SP4: variants seen among roughly 807,000 people sequenced by gnomAD.
The protein encoded by SP4 is transcription factor Sp4.
Under a neutral mutation model 72.8 loss-of-function variants are expected in SP4, and 19 were observed. The observed-to-expected ratio is 0.26, with a 90% CI of 0.18 to 0.38. The LOEUF (loss-of-function observed/expected upper bound fraction) is 0.38. SP4 is among the 10% of genes least tolerant of loss of function. The pLI is 1.00. For synonymous variants in SP4, 395 were observed against 333.1 expected (o/e 1.19, Z -2.02); for missense variants, 1,008 against 926.3 (o/e 1.09, Z -1.14).
At chr7:21,504,238 T>A (rs1781938636) in intron 5 of SP4, among the ~76,000 whole-genome samples, 1 of 152,204 alleles carries the variant, frequency 6.6e-6, no homozygotes, top group African/African-American at 2.4e-5. Context: ...TTCTAAAACC[T>A]GTTTGACCAG....
intron 3 of SP4, among the ~76,000 whole-genome samples, chr7:21,459,460 T>C (rs543551901): frequency 1.3e-5 from 2 of 152,256 alleles, no homozygotes; most frequent in Admixed American, 6.5e-5. Context: ...CTTGCCATGG[T>C]ATATCAGATT....
At chr7:21,491,202 G>GAAAT (rs1784969920) in intron 5 of SP4, among the ~76,000 whole-genome samples, 1 of 152,130 alleles carries the variant, frequency 6.6e-6, no homozygotes, top group Admixed American at 6.6e-5. Flanking sequence ...TTTTAGCAGA[G>GAAAT]AAATCTGCTA....
At chr7:21,507,640 G>C (rs553994328) in intron 5 of SP4, among the ~76,000 whole-genome samples, 1 of 152,264 alleles carries the variant, frequency 6.6e-6, no homozygotes, top group East Asian at 1.9e-4. Flanking sequence ...GAGAATTAAA[G>C]CTTGGCACAC....
chr7:21,449,902 G>C (rs1783539276), intron 3 of SP4, among the ~76,000 whole-genome samples: 1 of 152,006 alleles, frequency 6.6e-6, no homozygotes. Flanking sequence ...TATTAATTTT[G>C]TTTTCTCCTA....
rs1782675212 is a variant in SP4, at chr7:21,428,124, T to G, written c.-128T>G. 1 of 710,312 alleles carries G rather than the reference T, an allele frequency of 1.4e-6. No individual in the cohort carries two copies. The allele number at this position is 710,312 out of a possible 1,614,324, so 44.0% of individuals were successfully genotyped here. A position where few individuals can be genotyped will look rare whatever the true frequency, so the allele number is the denominator to read the frequency against. ...CATTCGCGGAAAAAGAGGCAGAGCCTGTGCCAGCTACAGCCTCCTCCGAGC... is the reference window on the plus strand; with the variant it reads ...CATTCGCGGAAAAAGAGGCAGAGCCGGTGCCAGCTACAGCCTCCTCCGAGC... On this transcript the variant is annotated 5_prime_UTR_variant, in exon 1 of 6. Coordinates refer to ENST00000222584, the MANE Select transcript of SP4 (RefSeq NM_003112.5).
rs112392372 is a variant in SP4, at chr7:21,428,281, A to G, written c.7+23A>G. 568 of 1,361,450 alleles carry G rather than the reference A, an allele frequency of 4.2e-4. No homozygotes were observed. The African/African-American group carries it at 8.1e-3, about 20-fold the overall frequency. The allele number at this position is 1,361,450 out of a possible 1,614,324, so 84.3% of individuals were successfully genotyped here. ...GCGGTACGTATTCTCCACCCCCCTCAGTCTCCTTCGCCGCCTCCCTCTCTC... is the reference window on the plus strand; with the variant it reads ...GCGGTACGTATTCTCCACCCCCCTCGGTCTCCTTCGCCGCCTCCCTCTCTC... On this transcript the variant is annotated intron_variant, in intron 1 of 5. Transcript: ENST00000222584.
intron 5 of SP4, among the ~76,000 whole-genome samples, chr7:21,487,156 C>T (rs1384854329): frequency 6.6e-6 from 1 of 152,066 alleles, no homozygotes; most frequent in Non-Finnish European, 1.5e-5. Flanking sequence ...ATTGTTTCAC[C>T]TTTGGCCATT....
At chr7:21,472,632 G>C (rs959474856) in intron 3 of SP4, among the ~76,000 whole-genome samples, 1 of 151,816 alleles carries the variant, frequency 6.6e-6, no homozygotes, top group African/African-American at 2.4e-5. Flanking sequence ...TTAGATTTAA[G>C]TGCTGATTTT....
intron 3 of SP4, among the ~76,000 whole-genome samples, chr7:21,466,044 TCTC>T (rs1237985308): frequency 1.3e-5 from 2 of 152,192 alleles, no homozygotes; most frequent in Non-Finnish European, 2.9e-5. Context: ...AGTGGATTCA[TCTC>T]CTCTGTGAAG....
chr7:21,436,707 T>G (rs1783061259), intron 3 of SP4, among the ~76,000 whole-genome samples: 1 of 152,194 alleles, frequency 6.6e-6, no homozygotes, highest in Non-Finnish European at 1.5e-5. Flanking sequence ...TTCATAATGC[T>G]TGTCATTTTG....
At chr7:21,491,163 G>A (rs963618003) in intron 5 of SP4, among the ~76,000 whole-genome samples, 3 of 152,132 alleles carry the variant, frequency 2.0e-5, no homozygotes, top group Non-Finnish European at 4.4e-5. Context: ...AAAGATAAGC[G>A]TGACTGAAAT....
rs1782175159 is a variant in SP4, at chr7:21,512,513, A to T, written c.*1244A>T. On this transcript the variant is annotated 3_prime_UTR_variant, in exon 6 of 6. Transcript: ENST00000222584. ...TAATTTTCAGTGAAGTAAGTGACTA[A>T]AGAAAAAAACTATATTATTGTTTAT... 6.6e-6 allele frequency: 1 copy of T among 152,022 alleles called. No individual in the cohort carries two copies. The highest frequency in any genetic ancestry group is 2.4e-5 in the African/African-American group (1 of 41,396). 9.4% of individuals were successfully genotyped at this position (152,022 alleles called of 1,614,324 possible). A position where few individuals can be genotyped will look rare whatever the true frequency, so the allele number is the denominator to read the frequency against.
chr7:21,477,055 C>T (rs1784520591), intron 3 of SP4, 24 bp from the exon 4 acceptor site: 3 of 1,562,656 alleles, frequency 1.9e-6, no homozygotes, highest in South Asian at 2.2e-5. Context: ...CATTACAATA[C>T]TTCTTTTTTT....
Position 21,502,791 on chromosome 7 carries a change from T to C in SP4, c.2108-8231T>C, listed in dbSNP as rs186632906. Among the ~76,000 whole-genome samples, 385 of 152,072 alleles carry C rather than the reference T, an allele frequency of 2.5e-3. 2 individuals are homozygous for C. The highest frequency in any genetic ancestry group is 9.0e-3 in the African/African-American group (373 of 41,482). On this transcript the variant is annotated intron_variant, in intron 5 of 5. Transcript: ENST00000222584. ...GGAGTAGTACCAGACACTTGGGGGGTTGAGTTTTTGATGAGTTTGAGAATA... is the reference window on the plus strand; with the variant it reads ...GGAGTAGTACCAGACACTTGGGGGGCTGAGTTTTTGATGAGTTTGAGAATA...
intron 5 of SP4, among the ~76,000 whole-genome samples, chr7:21,489,379 G>A (rs890410702): frequency 5.3e-5 from 8 of 151,946 alleles, no homozygotes; most frequent in Non-Finnish European, 7.4e-5. Context: ...AGAACGCAGT[G>A]ATGTGATCAT....
chr7:21,460,379 G>A (rs1783919307), intron 3 of SP4, among the ~76,000 whole-genome samples: 1 of 152,032 alleles, frequency 6.6e-6, no homozygotes, highest in African/African-American at 2.4e-5. Flanking sequence ...TGAGTCTGGA[G>A]TCGTTTTTTC....
At chr7:21,449,931 C>G (rs184551574) in intron 3 of SP4, among the ~76,000 whole-genome samples, 2 of 152,076 alleles carry the variant, frequency 1.3e-5, no homozygotes, top group Non-Finnish European at 2.9e-5. Flanking sequence ...GGCAGTGGTT[C>G]GGTTGCTAGG....
At chr7:21,495,411 T>C (rs1242746469) in intron 5 of SP4, among the ~76,000 whole-genome samples, 1 of 142,878 alleles carries the variant, frequency 7.0e-6, no homozygotes, top group Non-Finnish European at 1.5e-5. Context: ...AATTTAACAG[T>C]TTTTTTTTTT....
chr7:21,509,451 T>C (rs563925358), intron 5 of SP4, among the ~76,000 whole-genome samples: 27 of 143,514 alleles, frequency 1.9e-4, no homozygotes, highest in African/African-American at 6.9e-4. Flanking sequence ...CTTCAAACTC[T>C]AGGTTATAGA....
Sources: allele counts gnomAD v4.1 joint callset (sites outside exome capture counted in the v4.1 genomes callset), GRCh38; gene constraint gnomAD v4.1.1; transcripts MANE v1.5; gene names NCBI Gene and HGNC (gene_info 2026-07-23, HGNC 2026-07-21).